Variants in DISP1 observed in about 807,000 individuals in gnomAD.
DISP1 encodes protein dispatched homolog 1.
A neutral mutation model predicts 37.3 loss-of-function variants in DISP1; 30 were observed. That is an observed-to-expected ratio of 0.80 (90% CI 0.60 to 1.09). The LOEUF (loss-of-function observed/expected upper bound fraction) is 1.09, where lower values mean the gene tolerates loss of function less well. Ranked by LOEUF, DISP1 falls within the 50% of genes least tolerant of loss-of-function variation. The pLI, the probability that DISP1 is intolerant of heterozygous loss-of-function variation, is 0.00. For synonymous variants in DISP1, 634 were observed against 690.2 expected (o/e 0.92, Z 1.28); for missense variants, 1,598 against 1,879.5 (o/e 0.85, Z 2.77).
rs67660273 is a variant in DISP1 at position 222,984,435 on chromosome 1, T to TATATATAG, written c.539+1327_539+1328insTATATAGA. Reference sequence around the variant, plus strand: ...AAAAAAAAAAAAATATATATATATATAGAGAGAGAGAGAGAGAGAGAGAGC... The same window carrying TATATATAG: ...AAAAAAAAAAAAATATATATATATATATATATAGAGAGAGAGAGAGAGAGAGAGAGAGC... On this transcript the variant is annotated intron_variant, in intron 4 of 8. Coordinates refer to ENST00000675850, the MANE Select transcript of DISP1 (RefSeq NM_001377229.1). 6.6e-3 allele frequency among the ~76,000 whole-genome samples: 717 copies of TATATATAG among 108,326 alleles called. 23 individuals are homozygous for TATATATAG. Among genetic ancestry groups the TATATATAG allele is most frequent in the Admixed American group, 0.021 (214 of 10,018 alleles). The allele number at this position is 108,326 out of a possible 152,430, so 71.1% of individuals were successfully genotyped here. A position where few individuals can be genotyped will look rare whatever the true frequency, so the allele number is the denominator to read the frequency against.
intron 3 of DISP1, among the ~76,000 whole-genome samples, chr1:222,967,815 C>G (rs1676621150): frequency 6.6e-6 from 1 of 152,138 alleles, no homozygotes; most frequent in Non-Finnish European, 1.5e-5. Context: ...TGAAGTTGTT[C>G]TGAATGAACT....
chr1:222,916,297 T>C (rs2125432203), intron 1 of DISP1, among the ~76,000 whole-genome samples: 1 of 152,324 alleles, frequency 6.6e-6, no homozygotes, highest in South Asian at 2.1e-4. Context: ...GCTCTCTTCT[T>C]GTGTTTACAC....
At chr1:222,870,330 G>A (rs1190264915) in intron 1 of DISP1, among the ~76,000 whole-genome samples, 1 of 152,164 alleles carries the variant, frequency 6.6e-6, no homozygotes, top group Admixed American at 6.5e-5. Flanking sequence ...GGGTCAAATG[G>A]TATTTCTAGT....
intron 3 of DISP1, among the ~76,000 whole-genome samples, chr1:222,967,385 A>C (rs771170666): frequency 2.0e-5 from 3 of 152,118 alleles, no homozygotes; most frequent in Non-Finnish European, 4.4e-5. Flanking sequence ...TTTAGTGTGG[A>C]GAAGAGATGA....
intron 1 of DISP1, among the ~76,000 whole-genome samples, chr1:222,824,396 G>A (rs1663757123): frequency 6.6e-6 from 1 of 151,936 alleles, no homozygotes; most frequent in South Asian, 2.1e-4. Flanking sequence ...TGTGCTACCT[G>A]TAAATGGTGG....
chr1:223,001,302 C>T (rs1679424191), intron 8 of DISP1, among the ~76,000 whole-genome samples: 1 of 152,124 alleles, frequency 6.6e-6, no homozygotes, highest in African/African-American at 2.4e-5. Context: ...GGATTTTTGC[C>T]AATTTGAATA....
intron 3 of DISP1, among the ~76,000 whole-genome samples, chr1:222,962,162 C>G (rs1676113122): frequency 6.6e-6 from 1 of 152,156 alleles, no homozygotes; most frequent in African/African-American, 2.4e-5. Context: ...AGAACCAAAT[C>G]ATGAATGAAC....
chr1:222,905,214 C>G (rs1177868282), intron 1 of DISP1, among the ~76,000 whole-genome samples: 1 of 152,022 alleles, frequency 6.6e-6, no homozygotes, highest in Non-Finnish European at 1.5e-5. Flanking sequence ...AATATTTCTT[C>G]CCTTAAATGT....
chr1:222,830,356 T>G (rs1265609755), intron 1 of DISP1, among the ~76,000 whole-genome samples: 1 of 152,038 alleles, frequency 6.6e-6, no homozygotes, highest in Non-Finnish European at 1.5e-5. Flanking sequence ...TTTCCTGACT[T>G]CTTTCTTCCT....
At chr1:222,848,129 T>C (rs1668023409) in intron 1 of DISP1, among the ~76,000 whole-genome samples, 1 of 152,194 alleles carries the variant, frequency 6.6e-6, no homozygotes, top group Non-Finnish European at 1.5e-5. Context: ...TTATCTTTTC[T>C]CCATTGATTT....
chr1:222,833,686 T>C (rs1396896546), intron 1 of DISP1, among the ~76,000 whole-genome samples: 1 of 152,206 alleles, frequency 6.6e-6, no homozygotes, highest in Non-Finnish European at 1.5e-5. Flanking sequence ...TTATGAGGTG[T>C]TCATTTCAGA....
In DISP1 at chr1:222,893,751, T is replaced by G. The variant is rs894778574; in HGVS notation, c.-158-34679T>G. On this transcript the variant is annotated intron_variant, in intron 1 of 8. Coordinates refer to ENST00000675850, the MANE Select transcript of DISP1 (RefSeq NM_001377229.1). The surrounding 1 kb of genome is among the most constrained non-coding windows in gnomAD (Gnocchi z 4.3). ...TCACAACCCTGGCTCCGGGAGCTCCTAGATGTGGGCTCCCTTCTCTCCTTC... is the reference window on the plus strand; with the variant it reads ...TCACAACCCTGGCTCCGGGAGCTCCGAGATGTGGGCTCCCTTCTCTCCTTC... 6.6e-6 allele frequency among the ~76,000 whole-genome samples: 1 copy of G among 152,194 alleles called. No individual in the cohort carries two copies. Among genetic ancestry groups the G allele is most frequent in the Non-Finnish European group, 1.5e-5 (1 of 68,028 alleles).
intron 1 of DISP1, among the ~76,000 whole-genome samples, chr1:222,861,576 C>T (rs1668881904): frequency 6.6e-6 from 1 of 152,220 alleles, no homozygotes; most frequent in African/African-American, 2.4e-5. Context: ...AACCTCTTCT[C>T]TGAAACCCTC....
intron 1 of DISP1, among the ~76,000 whole-genome samples, chr1:222,849,323 AT>A (rs1166940919): frequency 1.3e-5 from 2 of 152,148 alleles, no homozygotes; most frequent in Admixed American, 6.6e-5. Context: ...CATACATTCT[AT>A]TTTTTGCGCA....
intron 1 of DISP1, among the ~76,000 whole-genome samples, chr1:222,898,781 T>A (rs960591008): frequency 6.6e-6 from 1 of 152,172 alleles, no homozygotes; most frequent in South Asian, 2.1e-4. Flanking sequence ...TAATAGATAA[T>A]GTATGAGGCT....
At chr1:222,903,731 T>G (rs1405238326) in intron 1 of DISP1, among the ~76,000 whole-genome samples, 1 of 152,184 alleles carries the variant, frequency 6.6e-6, no homozygotes, top group African/African-American at 2.4e-5. Context: ...TAAAATTAGA[T>G]GGTATCATAG....
At chr1:222,953,111 A>G (rs762517808) in intron 3 of DISP1, among the ~76,000 whole-genome samples, 3 of 152,232 alleles carry the variant, frequency 2.0e-5, no homozygotes, top group Non-Finnish European at 4.4e-5. Flanking sequence ...GCTAGTCTCT[A>G]GAAGCAATCA....
Position 222,936,886 on chromosome 1 carries a change from A to AATT in DISP1, c.-17-5921_-17-5920insATT, listed in dbSNP as rs1558340360. Among the ~76,000 whole-genome samples, 379 of 86,722 alleles carry AATT rather than the reference A, an allele frequency of 4.4e-3. 10 individuals are homozygous for AATT. The highest frequency in any genetic ancestry group is 0.017 in the African/African-American group (362 of 20,734). 56.9% of individuals were successfully genotyped at this position (86,722 alleles called of 152,430 possible). A position where few individuals can be genotyped will look rare whatever the true frequency, so the allele number is the denominator to read the frequency against. On this transcript the variant is annotated intron_variant, in intron 2 of 8. Transcript: ENST00000675850. ...TTTATATATCATATATATGATATAT[A>AATT]TAATATATTATTTATATATAATATA...
intron 3 of DISP1, among the ~76,000 whole-genome samples, chr1:222,960,459 A>T (rs1445556461): frequency 6.6e-6 from 1 of 152,204 alleles, no homozygotes; most frequent in Non-Finnish European, 1.5e-5. Context: ...TCTCTGGGAC[A>T]CAGCTAAAGC....
Sources: gnomAD v4.1 joint callset for allele counts (sites outside exome capture counted in the v4.1 genomes callset) on GRCh38, gnomAD v4.1.1 for gene constraint, Gnocchi (gnomAD v3.1) non-coding constraint, MANE v1.5 for transcripts, NCBI Gene and HGNC (gene_info 2026-07-23, HGNC 2026-07-21) for gene names.